The following ANKRD31 variants were observed in gnomAD, a reference collection of about 807,000 sequenced individuals.
ANKRD31 encodes ankyrin repeat domain-containing protein 31.
Under a neutral mutation model 186.0 loss-of-function variants are expected in ANKRD31, and 147 were observed. The observed-to-expected ratio is 0.79, with a 90% confidence interval of 0.69 to 0.91. ANKRD31 has a LOEUF of 0.91. Ranked by LOEUF, ANKRD31 falls within the 40% of genes least tolerant of loss-of-function variation. The pLI, the probability that ANKRD31 is intolerant of heterozygous loss-of-function variation, is 0.00. For missense variants in ANKRD31, 1,986 were observed against 2,148.8 expected, an observed-to-expected ratio of 0.92 and a Z score of 1.50; for synonymous variants, 673 against 736.4, an observed-to-expected ratio of 0.91 and a Z score of 1.39.
rs557887439 is a variant in ANKRD31, at chr5:75,110,594, A to T, written c.4243+1919T>A. On this transcript the variant is annotated intron_variant, in intron 20 of 25. Transcript: ENST00000506364. ...GCATGGTGCATGCGCCTGTATTCCC[A>T]GCTACTCGGGAGGCTGAGGCAGAAG... Among the ~76,000 whole-genome samples the T allele has an allele frequency of 2.6e-5, 4 of 151,690 alleles. No individual in the cohort carries two copies. In the East Asian group the frequency reaches 7.9e-4, roughly 30 times the overall value.
At chr5:75,140,708 G>A (rs965427754) in intron 15 of ANKRD31, among the ~76,000 whole-genome samples, 1 of 152,194 alleles carries the variant, frequency 6.6e-6, no homozygotes, top group Non-Finnish European at 1.5e-5. Flanking sequence ...AAGTTTTGAT[G>A]ATGCAAGTAG....
chr5:75,118,165 T>C lies in ANKRD31; in HGVS notation c.4009A>G (p.Asn1337Asp). 6.6e-7 allele frequency: 1 copy of C among 1,510,220 alleles called. No homozygotes were observed. Among genetic ancestry groups the C allele is most frequent in the Non-Finnish European group, 8.8e-7 (1 of 1,138,684 alleles). The allele number at this position is 1,510,220 out of a possible 1,614,324, so 93.6% of individuals were successfully genotyped here. A position where few individuals can be genotyped will look rare whatever the true frequency, so the allele number is the denominator to read the frequency against. ...LRSYGAIETV[N>D]RDESDAIVNE... ...ACTATAGCATCACTCTCATCTCTAT[T>C]AACAGTCTCAATAGCACCATAAGAT... Residue 1337 changes from asparagine (N) to aspartate (D), a missense_variant, in exon 18 of 26, where the codon AAT becomes GAT. By Grantham distance (23) the Asn-to-Asp change is conservative. Coordinates refer to ENST00000506364, the MANE Select transcript of ANKRD31 (RefSeq NM_001372053.1).
chr5:75,104,521 T>C lies in ANKRD31; in HGVS notation c.5038A>G (p.Ser1680Gly), dbSNP rs760725592. ...YDPKRGNRKT[S>G]SQQSPTGASE... ...GCCCCTGTAGGTGATTGCTGGGAAC[T>C]TGTTTTTCTGTTTCCTCTTTTGGGA... The change falls in exon 22 of 26, where the codon AGT (serine) becomes GGT (glycine). Residue 1680 changes from serine to glycine, a missense_variant. Coordinates refer to ENST00000506364, the MANE Select transcript of ANKRD31 (RefSeq NM_001372053.1). 3.5e-5 allele frequency: 54 copies of C among 1,536,988 alleles called. No individual in the cohort carries two copies. Among genetic ancestry groups the C allele is most frequent in the Non-Finnish European group, 4.4e-5 (51 of 1,146,880 alleles).
chr5:75,176,067 C>T (rs1311867795), intron 10 of ANKRD31, among the ~76,000 whole-genome samples: 1 of 152,192 alleles, frequency 6.6e-6, no homozygotes, highest in Admixed American at 6.5e-5. Flanking sequence ...GCTTAACAAA[C>T]AGCACACCAG....
intron 19 of ANKRD31, among the ~76,000 whole-genome samples, chr5:75,116,298 C>T (rs1202111554): frequency 1.3e-5 from 2 of 150,952 alleles, no homozygotes; most frequent in African/African-American, 4.9e-5. Context: ...TTGGGAGATA[C>T]ACCTAATGCT....
At chr5:75,206,820 G>A (rs1290910173) in intron 4 of ANKRD31, among the ~76,000 whole-genome samples, 2 of 152,216 alleles carry the variant, frequency 1.3e-5, no homozygotes, top group East Asian at 1.9e-4. Flanking sequence ...CCTGAAATAC[G>A]TAGTTTTTCT....
intron 17 of ANKRD31, among the ~76,000 whole-genome samples, chr5:75,133,125 T>C (rs1750016334): frequency 6.6e-6 from 1 of 152,166 alleles, no homozygotes; most frequent in South Asian, 2.1e-4. Context: ...AATAACCAGC[T>C]AACACCATAA....
rs1751491930 is a variant in ANKRD31, at chr5:75,147,008, A to G, written c.2403T>C (p.Ala801=). The change falls in exon 14 of 26, where the codon GCT becomes GCC. Residue 801 remains alanine, a synonymous_variant. Coordinates refer to ENST00000506364, the MANE Select transcript of ANKRD31 (RefSeq NM_001372053.1). ...LRNGLDSSTE[A]CSVSKEKHIQ... ...TGTGTTTCTCTTTGGAAACTGAACAAGCCTCAGTACTGCTATCTAATCCAT... is the reference window on the plus strand; with the variant it reads ...TGTGTTTCTCTTTGGAAACTGAACAGGCCTCAGTACTGCTATCTAATCCAT... The G allele has an allele frequency of 6.5e-7, 1 of 1,536,334 alleles. No individual in the cohort carries two copies. Among genetic ancestry groups the G allele is most frequent in the African/African-American group, 1.4e-5 (1 of 72,982 alleles).
chr5:75,133,108 C>T (rs34375659), intron 17 of ANKRD31, among the ~76,000 whole-genome samples: 13 of 152,192 alleles, frequency 8.5e-5, no homozygotes, highest in Middle Eastern at 3.4e-3. Context: ...CATCAACTAA[C>T]GAGCAAAATA....
At chr5:75,205,618 T>G (rs561981901) in intron 5 of ANKRD31, among the ~76,000 whole-genome samples, 3 of 152,320 alleles carry the variant, frequency 2.0e-5, no homozygotes, top group African/African-American at 7.2e-5. Flanking sequence ...AGTTAAAGTA[T>G]ACGTAAGAGC....
At chr5:75,130,348 A>G (rs988077413) in intron 17 of ANKRD31, among the ~76,000 whole-genome samples, 3 of 152,228 alleles carry the variant, frequency 2.0e-5, no homozygotes, top group African/African-American at 7.2e-5. Context: ...CAAAGCTTCC[A>G]CAGTGTGGAA....
chr5:75,100,331 C>CT (rs1309378308), intron 22 of ANKRD31, among the ~76,000 whole-genome samples: 2 of 152,172 alleles, frequency 1.3e-5, no homozygotes, highest in Non-Finnish European at 2.9e-5. Context: ...CTGAGGAGTG[C>CT]TTTACTTCCA....
In ANKRD31 at chr5:75,068,489, T is replaced by C. The variant is rs905688652; in HGVS notation, c.*30A>G. The C allele has an allele frequency of 4.6e-5, 67 of 1,444,752 alleles. No homozygotes were observed. The highest frequency in any genetic ancestry group is 5.6e-5 in the Non-Finnish European group (62 of 1,104,024). 89.5% of individuals were successfully genotyped at this position (1,444,752 alleles called of 1,614,324 possible). ...AATGTTTGTTGGTAATTTGAACAAATATCCAATAAAATATTAAGAAACCAA... is the reference window on the plus strand; with the variant it reads ...AATGTTTGTTGGTAATTTGAACAAACATCCAATAAAATATTAAGAAACCAA... On this transcript the variant is annotated 3_prime_UTR_variant, in exon 26 of 26. Transcript: ENST00000506364.
intron 25 of ANKRD31, among the ~76,000 whole-genome samples, chr5:75,080,182 CCA>C (rs1397434547): frequency 6.6e-6 from 1 of 152,066 alleles, no homozygotes; most frequent in African/African-American, 2.4e-5. Flanking sequence ...AAATTCTTCA[CCA>C]CAAATTCCAT....
chr5:75,186,775 A>G (rs1220589425), intron 10 of ANKRD31, among the ~76,000 whole-genome samples: 1 of 152,190 alleles, frequency 6.6e-6, no homozygotes, highest in Non-Finnish European at 1.5e-5. Context: ...ATAAAATTCA[A>G]AATGTTACAT....
intron 22 of ANKRD31, among the ~76,000 whole-genome samples, chr5:75,094,589 T>C (rs1424542694): frequency 6.6e-6 from 1 of 151,914 alleles, no homozygotes; most frequent in Non-Finnish European, 1.5e-5. Context: ...TATTCACCGA[T>C]TGCAAAAGAA....
At position 75,232,565 on chromosome 5, in the gene ANKRD31, G is replaced by GTT. The variant is rs61040569; in HGVS notation, c.105-1932_105-1931dup. Among the ~76,000 whole-genome samples, 5 of 148,724 alleles carry GTT rather than the reference G, an allele frequency of 3.4e-5. No individual in the cohort carries two copies. In the East Asian group the frequency reaches 9.9e-4, roughly 29 times the overall value. ...GACTGCACCCAACCAAATTTTGTGT[G>GTT]TTTTTTTTTTTTAATTTAAAAATAA... is the stretch of plus-strand genomic sequence containing the variant. On this transcript the variant is annotated intron_variant, in intron 1 of 25. Transcript: ENST00000506364.
intron 10 of ANKRD31, among the ~76,000 whole-genome samples, chr5:75,171,533 C>A (rs891878145): frequency 6.6e-6 from 1 of 151,644 alleles, no homozygotes; most frequent in Non-Finnish European, 1.5e-5. Flanking sequence ...AAATCAGTGA[C>A]CTCATTTTCT....
intron 10 of ANKRD31, among the ~76,000 whole-genome samples, chr5:75,179,615 C>G (rs141071836): frequency 0.012 from 1,752 of 152,254 alleles, 22 homozygotes; most frequent in South Asian, 0.034. Flanking sequence ...ATCATATAAA[C>G]AGAACCAAAG....
Sources: gnomAD v4.1 joint callset for allele counts (sites outside exome capture counted in the v4.1 genomes callset) on GRCh38, gnomAD v4.1.1 for gene constraint, MANE v1.5 for transcripts, NCBI Gene and HGNC (gene_info 2026-07-23, HGNC 2026-07-21) for gene names.